Variants in ZMYM1 observed in about 807,000 individuals in gnomAD.
ZMYM1 encodes zinc finger MYM-type containing 1.
Under a neutral mutation model 60.0 loss-of-function variants are expected in ZMYM1, and 39 were observed. The observed-to-expected ratio is 0.65, with a 90% confidence interval of 0.50 to 0.85. The LOEUF is 0.85. ZMYM1 is among the 40% of genes least tolerant of loss of function. ZMYM1 has a pLI of 0.00. For missense variants in ZMYM1, 1,171 were observed against 1,309.5 expected (o/e 0.89, Z 1.63); for synonymous variants, 413 against 454.0 (o/e 0.91, Z 1.15).
rs1644172964 is a variant in ZMYM1, at chr1:35,113,678, A to G, written c.1848A>G (p.Gln616=). The stretch of plus-strand genomic sequence containing the variant: ...AAGTTGACTTCTATAACAGTACACA[A>G]ATTCAAAGTGATATTATCGAAATAA... ...NSQVDFYNST[Q]IQSDIIEIIK... The change falls in exon 10 of 10, where the codon CAA becomes CAG. Residue 616 remains glutamine, a synonymous_variant. Coordinates refer to ENST00000359858, the MANE Select transcript of ZMYM1 (RefSeq NM_024772.5). 1.9e-6 allele frequency: 3 copies of G among 1,613,512 alleles called. No homozygotes were observed. Among genetic ancestry groups the G allele is most frequent in the Non-Finnish European group, 2.5e-6 (3 of 1,179,810 alleles).
At position 35,113,215 on chromosome 1, in the gene ZMYM1, C is replaced by T; in HGVS notation, c.1385C>T (p.Ala462Val). ...KSRSIKKSCCADFECLENSKK... is the reference protein window; with the variant it reads ...KSRSIKKSCCVDFECLENSKK... ...CGAAGTATTAAAAAATCTTGTTGTG[C>T]AGATTTTGAGTGTTTGGAAAACAGT... The change falls in exon 10 of 10, where the codon GCA (alanine) becomes GTA (valine). Residue 462 changes from alanine (A) to valine (V), a missense_variant. By Grantham distance (64) the Ala-to-Val change is moderately conservative. Transcript: ENST00000359858. 2.5e-6 allele frequency: 4 copies of T among 1,613,260 alleles called. No individual in the cohort carries two copies. The highest frequency in any genetic ancestry group is 3.4e-6 in the Non-Finnish European group (4 of 1,179,384).
Position 35,088,448 on chromosome 1 carries a change from A to G in ZMYM1, c.-74-5466A>G, listed in dbSNP as rs1429695628. On this transcript the variant is annotated intron_variant, in intron 1 of 9. Coordinates refer to ENST00000359858, the MANE Select transcript of ZMYM1 (RefSeq NM_024772.5). ...TGTGTTTATGTGTATATATATATATATATATATGTGTGTGTGTGTGTGTGT... is the reference window on the plus strand; with the variant it reads ...TGTGTTTATGTGTATATATATATATGTATATATGTGTGTGTGTGTGTGTGT... 1.5e-3 allele frequency among the ~76,000 whole-genome samples: 170 copies of G among 113,656 alleles called. 3 individuals are homozygous for G. The highest frequency in any genetic ancestry group is 6.5e-3 in the African/African-American group (165 of 25,214). The allele number at this position is 113,656 out of a possible 152,430, so 74.6% of individuals were successfully genotyped here.
At chr1:35,116,233 T>C (rs114604765), downstream of ZMYM1, among the ~76,000 whole-genome samples, 2,155 of 152,266 alleles carry the variant, frequency 0.014, 50 homozygotes, top group African/African-American at 0.049. Context: ...TGAGACCTTA[T>C]CTCTTTAAAA....
At chr1:35,071,130 G>T (rs144909522) in intron 1 of ZMYM1, among the ~76,000 whole-genome samples, 220 of 151,938 alleles carry the variant, frequency 1.4e-3, no homozygotes, top group Non-Finnish European at 2.7e-3. Flanking sequence ...CAGATGATCC[G>T]CCTACCTCAG....
At chr1:35,102,914 A>G (rs1368792888) in intron 4 of ZMYM1, among the ~76,000 whole-genome samples, 1 of 152,206 alleles carries the variant, frequency 6.6e-6, no homozygotes, top group East Asian at 1.9e-4. Flanking sequence ...GATGAAGTTT[A>G]AATAATTTAA....
intron 1 of ZMYM1, among the ~76,000 whole-genome samples, chr1:35,080,364 T>TGAG (rs1642318984): frequency 6.7e-6 from 1 of 149,518 alleles, no homozygotes; most frequent in Non-Finnish European, 1.5e-5. Flanking sequence ...TGGCCCAGGC[T>TGAG]GAGTGCAGTG....
chr1:35,076,903 C>G (rs1251301682), upstream of ZMYM1, among the ~76,000 whole-genome samples: 2 of 150,594 alleles, frequency 1.3e-5, no homozygotes, highest in African/African-American at 4.9e-5. Flanking sequence ...CCATTGCACT[C>G]CAGCCAGGGT....
intron 1 of ZMYM1, among the ~76,000 whole-genome samples, chr1:35,083,242 C>G (rs1642483380): frequency 6.6e-6 from 1 of 151,970 alleles, no homozygotes; most frequent in African/African-American, 2.4e-5. Context: ...GCCTCACCCT[C>G]CCGGCTTAAG....
intron 6 of ZMYM1, among the ~76,000 whole-genome samples, chr1:35,105,118 A>AT (rs1643849259): frequency 8.1e-6 from 1 of 123,608 alleles, no homozygotes; most frequent in African/African-American, 3.1e-5. Flanking sequence ...TATTTATTTT[A>AT]TTTCTTTCTT....
Position 35,110,398 on chromosome 1 carries a change from TATTA to T in ZMYM1, c.916_919del (p.Asn306ValfsTer15), listed in dbSNP as rs775844694. On this transcript the variant is annotated frameshift_variant, in exon 7 of 10. Transcript: ENST00000359858. LOFTEE classifies it high-confidence loss of function. ...TGGGGAAGACAGAGCTTTTCTGCTC[TATTA>T]ATTGTTTCTCTGCATACAGTAAAGC... 6.3e-7 allele frequency: 1 copy of T among 1,582,996 alleles called. No individual in the cohort carries two copies. Among genetic ancestry groups the T allele is most frequent in the South Asian group, 1.2e-5 (1 of 85,590 alleles).
downstream of ZMYM1, among the ~76,000 whole-genome samples, chr1:35,116,847 T>A (rs1009764611): frequency 5.7e-3 from 768 of 134,964 alleles, 7 homozygotes; most frequent in African/African-American, 0.02. Flanking sequence ...TTTTTTTTTT[T>A]TTTTTTTTTT....
upstream of ZMYM1, among the ~76,000 whole-genome samples, chr1:35,076,196 C>T (rs775188060): frequency 1.3e-4 from 20 of 152,194 alleles, no homozygotes; most frequent in Non-Finnish European, 2.2e-4. Flanking sequence ...TCCCCATCAA[C>T]GCTCTATTTG....
rs748903698 is a variant in ZMYM1 at position 35,114,185 on chromosome 1, G to A, written c.2355G>A (p.Leu785=). The A allele has an allele frequency of 6.2e-7, 1 of 1,611,286 alleles. No individual in the cohort carries two copies. Among genetic ancestry groups the A allele is most frequent in the South Asian group, 1.1e-5 (1 of 89,980 alleles). Residue 785 remains leucine (L), a synonymous_variant, in exon 10 of 10, where the codon TTG becomes TTA. Transcript: ENST00000359858. ...CTATTTGTATGTCTGGGGAAATGTTGGCAAATTTTCGAAACATTTATAGGC... is the reference window on the plus strand; with the variant it reads ...CTATTTGTATGTCTGGGGAAATGTTAGCAAATTTTCGAAACATTTATAGGC... The part of the protein sequence containing the change: ...FNTICMSGEM[L]ANFRNIYRLS...
At chr1:35,070,230 C>G (rs1008023713) in intron 1 of ZMYM1, among the ~76,000 whole-genome samples, 2 of 152,032 alleles carry the variant, frequency 1.3e-5, no homozygotes, top group African/African-American at 4.8e-5. Context: ...TATGGGATAT[C>G]TTTCCATTTA....
chr1:35,077,116 T>A (rs1186048451), upstream of ZMYM1, among the ~76,000 whole-genome samples: 1 of 152,040 alleles, frequency 6.6e-6, no homozygotes, highest in Non-Finnish European at 1.5e-5. Flanking sequence ...GGGCCAAATT[T>A]TCAGATCTAT....
chr1:35,103,788 A>T (rs903528085), intron 4 of ZMYM1, among the ~76,000 whole-genome samples: 1 of 152,150 alleles, frequency 6.6e-6, no homozygotes, highest in African/African-American at 2.4e-5. Context: ...AATAGTTTTG[A>T]TCTTGGGGAC....
At chr1:35,098,897 A>G (rs1643486138) in intron 4 of ZMYM1, among the ~76,000 whole-genome samples, 1 of 152,072 alleles carries the variant, frequency 6.6e-6, no homozygotes, top group Non-Finnish European at 1.5e-5. Context: ...AAGAAAAAAA[A>G]AGAAATGCAC....
chr1:35,071,867 A>G (rs1642073631), intron 1 of ZMYM1, among the ~76,000 whole-genome samples: 1 of 152,228 alleles, frequency 6.6e-6, no homozygotes, highest in Non-Finnish European at 1.5e-5. Flanking sequence ...AACTGGGCGC[A>G]GTGGCTCATG....
intron 3 of ZMYM1, 55 bp downstream of exon 3, chr1:35,095,946 T>A: frequency 1.5e-6 from 2 of 1,307,102 alleles, no homozygotes; most frequent in Non-Finnish European, 2.2e-6. Context: ...GACAGCTGAT[T>A]CATTCTTTTT....
Sources: allele counts gnomAD v4.1 joint callset (sites outside exome capture counted in the v4.1 genomes callset), GRCh38; gene constraint gnomAD v4.1.1; transcripts MANE v1.5; gene names NCBI Gene and HGNC (gene_info 2026-07-23, HGNC 2026-07-21).